Variants in DOCK5 observed in about 807,000 individuals in gnomAD.
The protein encoded by DOCK5 is dedicator of cytokinesis protein 5.
DOCK5 carries 142 observed loss-of-function variants against 251.8 expected under a neutral mutation model. That is an observed-to-expected ratio of 0.56 (90% CI 0.49 to 0.65). The LOEUF (loss-of-function observed/expected upper bound fraction) is 0.65. Among genes scored for constraint, DOCK5 ranks in the 30% least tolerant of loss-of-function variants. The pLI is 0.00. For missense variants in DOCK5, 2,111 were observed against 2,312.3 expected (o/e 0.91, Z 1.79); for synonymous variants, 842 against 835.5 (o/e 1.01, Z -0.13).
At chr8:25,246,949 T>C (rs1438094278) in intron 2 of DOCK5, among the ~76,000 whole-genome samples, 2 of 152,102 alleles carry the variant, frequency 1.3e-5, no homozygotes, top group East Asian at 3.9e-4. Flanking sequence ...TACAGTAGTG[T>C]GATCATAACT....
intron 2 of DOCK5, among the ~76,000 whole-genome samples, chr8:25,268,130 G>A (rs555539680): frequency 1.1e-4 from 16 of 151,908 alleles, no homozygotes; most frequent in Non-Finnish European, 1.9e-4. Context: ...CAAAGTGCTG[G>A]GATTACAAGC....
At chr8:25,259,836 C>T (rs536466424) in intron 2 of DOCK5, among the ~76,000 whole-genome samples, 31 of 152,312 alleles carry the variant, frequency 2.0e-4, no homozygotes, top group African/African-American at 7.2e-4. Context: ...CTCAAATCCA[C>T]AAAATTGAGC....
intron 37 of DOCK5, chr8:25,376,470 C>A: frequency 1.5e-6 from 1 of 665,008 alleles, no homozygotes; most frequent in Non-Finnish European, 1.9e-6. Flanking sequence ...CAGTACCATA[C>A]TGTATTAATT....
chr8:25,396,997 A>G (rs1801357265), intron 45 of DOCK5, among the ~76,000 whole-genome samples: 1 of 152,088 alleles, frequency 6.6e-6, no homozygotes, highest in Non-Finnish European at 1.5e-5. Flanking sequence ...GAGGCGGGAG[A>G]TCACCTGAGG....
chr8:25,272,166 C>T (rs1335225003), intron 3 of DOCK5, among the ~76,000 whole-genome samples: 1 of 151,862 alleles, frequency 6.6e-6, no homozygotes, highest in Non-Finnish European at 1.5e-5. Context: ...GTAGCTGGGA[C>T]CATTGGCATG....
At chr8:25,216,130 A>G (rs1311286141) in intron 1 of DOCK5, among the ~76,000 whole-genome samples, 3 of 151,440 alleles carry the variant, frequency 2.0e-5, no homozygotes. Flanking sequence ...TATGTATACA[A>G]TATGTCTATA....
intron 48 of DOCK5, among the ~76,000 whole-genome samples, chr8:25,405,534 A>G (rs1801508322): frequency 6.6e-6 from 1 of 152,078 alleles, no homozygotes; most frequent in South Asian, 2.1e-4. Context: ...CTATTCATGT[A>G]TCAGTACTAT....
intron 5 of DOCK5, among the ~76,000 whole-genome samples, chr8:25,291,242 G>A (rs1388322876): frequency 6.6e-6 from 1 of 152,148 alleles, no homozygotes; most frequent in Non-Finnish European, 1.5e-5. Flanking sequence ...ATGACCCACT[G>A]TTTACCCTAC....
At chr8:25,383,075 G>T (rs992466296) in intron 40 of DOCK5, among the ~76,000 whole-genome samples, 1 of 152,214 alleles carries the variant, frequency 6.6e-6, no homozygotes, top group Non-Finnish European at 1.5e-5. Context: ...AGTGTGGACT[G>T]ATGTATTTCG....
In DOCK5 at chr8:25,320,291, T is replaced by A. The variant is rs554813079; in HGVS notation, c.1542+615T>A. ...CACGAGTTCTTCATAGAAAAAAAAA[T>A]TTTTTAATTGCATTCATATATCTCA... On this transcript the variant is annotated intron_variant, in intron 15 of 51. Coordinates refer to ENST00000276440, the MANE Select transcript of DOCK5 (RefSeq NM_024940.8). 7.9e-5 allele frequency among the ~76,000 whole-genome samples: 12 copies of A among 152,192 alleles called. 1 individual carries two copies. The highest frequency in any genetic ancestry group is 2.1e-4 in the South Asian group (1 of 4,820).
chr8:25,409,962 A>G (rs934300883), intron 50 of DOCK5, 137 bp from the exon 51 acceptor site: 4 of 686,002 alleles, frequency 5.8e-6, no homozygotes, highest in South Asian at 1.9e-5. Context: ...TCTTCGTTCT[A>G]TCCGCAGAAA....
intron 1 of DOCK5, among the ~76,000 whole-genome samples, chr8:25,225,754 A>T (rs1371140738): frequency 6.6e-6 from 1 of 152,068 alleles, no homozygotes; most frequent in Non-Finnish European, 1.5e-5. Context: ...ACATGGATGA[A>T]CCTTGAGGAC....
intron 1 of DOCK5, among the ~76,000 whole-genome samples, chr8:25,202,070 G>T (rs911918505): frequency 1.3e-5 from 2 of 152,014 alleles, no homozygotes; most frequent in Admixed American, 1.3e-4. Flanking sequence ...AGGCTGGAGC[G>T]CAGTGGCACA....
chr8:25,305,124 G>A (rs1010795592), intron 11 of DOCK5: 6 of 152,200 alleles, frequency 3.9e-5, no homozygotes, highest in African/African-American at 1.4e-4. Flanking sequence ...GTCCCACCAG[G>A]GGCCATCGTG....
At chr8:25,187,865 C>T (rs1262291037) in intron 1 of DOCK5, among the ~76,000 whole-genome samples, 2 of 152,122 alleles carry the variant, frequency 1.3e-5, no homozygotes, top group Non-Finnish European at 2.9e-5. Flanking sequence ...GCTCACCTTT[C>T]CTTGAGGGCT....
intron 44 of DOCK5, 67 bp downstream of exon 44, chr8:25,392,949 T>A: frequency 7.3e-7 from 1 of 1,367,446 alleles, no homozygotes. Flanking sequence ...CAGCCTTTGT[T>A]GAATTCCCTC....
intron 2 of DOCK5, among the ~76,000 whole-genome samples, chr8:25,260,876 G>A (rs527912849): frequency 3.9e-4 from 59 of 151,646 alleles, no homozygotes; most frequent in Admixed American, 1.1e-3. Context: ...GCTGACTGCA[G>A]CCTCCAACTT....
chr8:25,249,817 C>A (rs1803219205), intron 2 of DOCK5, among the ~76,000 whole-genome samples: 1 of 152,220 alleles, frequency 6.6e-6, no homozygotes, highest in African/African-American at 2.4e-5. Context: ...AAATCCTGGG[C>A]TCAGGCAGTT....
chr8:25,378,993 G>A (rs1461825824), intron 38 of DOCK5, among the ~76,000 whole-genome samples: 1 of 152,204 alleles, frequency 6.6e-6, no homozygotes, highest in Non-Finnish European at 1.5e-5. Flanking sequence ...TTTCAAAAGG[G>A]GAGGGGGTGT....
Sources: allele counts gnomAD v4.1 joint callset (sites outside exome capture counted in the v4.1 genomes callset), GRCh38; gene constraint gnomAD v4.1.1; transcripts MANE v1.5; gene names NCBI Gene and HGNC (gene_info 2026-07-23, HGNC 2026-07-21).